The following UBE2E1 variants were observed in gnomAD, a reference collection of about 807,000 sequenced individuals.
The protein encoded by UBE2E1 is ubiquitin conjugating enzyme E2 E1.
A neutral mutation model predicts 21.4 loss-of-function variants in UBE2E1; 6 were observed. The ratio of observed to expected loss-of-function variants is 0.28; its 90% CI spans 0.15 to 0.55. The LOEUF is 0.55. UBE2E1 is among the 20% of genes least tolerant of loss of function. The pLI is 0.93. For missense variants in UBE2E1, 142 were observed against 236.5 expected (o/e 0.60, Z 2.62); for synonymous variants, 87 against 82.7 (o/e 1.05, Z -0.28).
At chr3:23,807,054 A>C (rs1055612322) in intron 1 of UBE2E1, 183 bp from the exon 2 acceptor site, 1 of 480,522 alleles carries the variant, frequency 2.1e-6, no homozygotes, top group African/African-American at 2.0e-5. Context: ...TTGGGGCCAA[A>C]AATAAACAAG....
intron 3 of UBE2E1, among the ~76,000 whole-genome samples, chr3:23,824,199 T>C (rs183303191): frequency 6.6e-6 from 1 of 152,298 alleles, no homozygotes; most frequent in Non-Finnish European, 1.5e-5. Context: ...AAACACATGA[T>C]TTTGGTAAAA....
At chr3:23,839,707 A>C (rs567783546) in intron 3 of UBE2E1, among the ~76,000 whole-genome samples, 1 of 151,606 alleles carries the variant, frequency 6.6e-6, no homozygotes, top group Non-Finnish European at 1.5e-5. Context: ...TTCCTGTTGG[A>C]TATAGGATTT....
intron 3 of UBE2E1, among the ~76,000 whole-genome samples, chr3:23,817,052 A>G (rs1699537281): frequency 1.3e-5 from 2 of 152,246 alleles, no homozygotes; most frequent in South Asian, 2.1e-4. Context: ...ATTAATCAGT[A>G]TTTTGAGAAA....
At chr3:23,844,365 C>G (rs1046398764) in intron 3 of UBE2E1, among the ~76,000 whole-genome samples, 3 of 152,100 alleles carry the variant, frequency 2.0e-5, no homozygotes, top group African/African-American at 7.2e-5. Context: ...TTACATTTTT[C>G]TAAGCACAAT....
intron 3 of UBE2E1, among the ~76,000 whole-genome samples, chr3:23,831,166 G>A (rs902199213): frequency 3.9e-5 from 6 of 152,204 alleles, no homozygotes; most frequent in Non-Finnish European, 7.3e-5. Flanking sequence ...ATATTATAGG[G>A]ATATTTGAGT....
rs367884534 is a variant in UBE2E1 at position 23,868,801 on chromosome 3, A to T, written c.204-18766A>T. Among the ~76,000 whole-genome samples the T allele has an allele frequency of 3.2e-4, 48 of 152,084 alleles. No homozygotes were observed. In the East Asian group the frequency reaches 5.6e-3, roughly 18 times the overall value. On this transcript the variant is annotated intron_variant, in intron 3 of 5. Transcript: ENST00000306627. ...ATCTCATCCTGCAAGTATAACCACT[A>T]TTAAGTTCGGGTATATTTATATCTT...
intron 3 of UBE2E1, among the ~76,000 whole-genome samples, chr3:23,835,459 C>G (rs909786356): frequency 6.7e-6 from 1 of 150,366 alleles, no homozygotes; most frequent in Non-Finnish European, 1.5e-5. Flanking sequence ...AGAACAAGAC[C>G]TGCCTCAAAA....
At chr3:23,834,425 A>G (rs545714612) in intron 3 of UBE2E1, among the ~76,000 whole-genome samples, 3 of 152,310 alleles carry the variant, frequency 2.0e-5, no homozygotes, top group South Asian at 4.1e-4. Context: ...AAATTCCCCC[A>G]TCTTTCTCAC....
At chr3:23,858,931 A>G (rs1272637284) in intron 3 of UBE2E1, among the ~76,000 whole-genome samples, 1 of 152,208 alleles carries the variant, frequency 6.6e-6, no homozygotes, top group Non-Finnish European at 1.5e-5. Flanking sequence ...GCTCGTCTTT[A>G]ACAATTTACC....
At chr3:23,880,551 A>G (rs6764154) in intron 3 of UBE2E1, among the ~76,000 whole-genome samples, 115,558 of 152,088 alleles carry the variant, frequency 0.76, 44,397 homozygotes, top group African/African-American at 0.82. Context: ...GTGACACAGC[A>G]AGACTGTGAC....
At chr3:23,856,054 CAG>C (rs1332172418) in intron 3 of UBE2E1, among the ~76,000 whole-genome samples, 1 of 151,898 alleles carries the variant, frequency 6.6e-6, no homozygotes, top group African/African-American at 2.4e-5. Context: ...TTTTTTGAGA[CAG>C]AGTCTCGCTC....
chr3:23,861,764 T>C (rs1191333078), intron 3 of UBE2E1, among the ~76,000 whole-genome samples: 1 of 152,216 alleles, frequency 6.6e-6, no homozygotes, highest in Non-Finnish European at 1.5e-5. Flanking sequence ...GGAGAAGAGT[T>C]GGGCCACCAA....
At chr3:23,858,123 G>A (rs924779929) in intron 3 of UBE2E1, among the ~76,000 whole-genome samples, 2 of 152,136 alleles carry the variant, frequency 1.3e-5, no homozygotes, top group South Asian at 2.1e-4. Context: ...CTTTCCCTGC[G>A]AAGGCTCTAT....
intron 3 of UBE2E1, among the ~76,000 whole-genome samples, chr3:23,843,126 T>G (rs1700129828): frequency 6.6e-6 from 1 of 151,966 alleles, no homozygotes; most frequent in South Asian, 2.1e-4. Context: ...TTTTTCAGAT[T>G]AAAATGGACT....
intron 3 of UBE2E1, among the ~76,000 whole-genome samples, chr3:23,851,207 G>C (rs1318588253): frequency 6.6e-6 from 1 of 152,132 alleles, no homozygotes; most frequent in African/African-American, 2.4e-5. Context: ...ACCTGTAAAT[G>C]TAAGAGTTTA....
chr3:23,818,569 T>G (rs1337670322), intron 3 of UBE2E1, among the ~76,000 whole-genome samples: 1 of 152,162 alleles, frequency 6.6e-6, no homozygotes, highest in Admixed American at 6.5e-5. Flanking sequence ...AATTACACCA[T>G]GTTTGCTCTG....
intron 3 of UBE2E1, among the ~76,000 whole-genome samples, chr3:23,880,640 G>A (rs1455271317): frequency 2.6e-5 from 4 of 152,198 alleles, no homozygotes; most frequent in South Asian, 4.1e-4. Context: ...AAATTGAAAT[G>A]CAGATTTGGT....
At chr3:23,847,488 ATTTTTTTTT>A (rs71057627) in intron 3 of UBE2E1, among the ~76,000 whole-genome samples, 1 of 96,130 alleles carries the variant, frequency 1.0e-5, no homozygotes, top group Non-Finnish European at 2.0e-5. Flanking sequence ...TGTACTTTAA[ATTTTTTTTT>A]TTTTTTTTTT....
In UBE2E1 at chr3:23,806,361, A is replaced by G. The variant is rs569662435; in HGVS notation, c.-34+273A>G. On this transcript the variant is annotated intron_variant, in intron 1 of 5. Transcript: ENST00000306627. This position sits in a 1 kb window ranked among gnomAD's most constrained non-coding sequence, Gnocchi z 6.5. ...TGGCTCGAACTGTCAGCGCTGCCCC[A>G]AGAGCCCCCCACTGGCCACCGAGGG... is the stretch of plus-strand genomic sequence containing the variant. Among the ~76,000 whole-genome samples the G allele has an allele frequency of 2.0e-5, 3 of 150,910 alleles. No homozygotes were observed. The South Asian group carries it at 6.2e-4, about 31-fold the overall frequency.
Sources: gnomAD v4.1 joint callset for allele counts (sites outside exome capture counted in the v4.1 genomes callset) on GRCh38, gnomAD v4.1.1 for gene constraint, Gnocchi (gnomAD v3.1) non-coding constraint, MANE v1.5 for transcripts, NCBI Gene and HGNC (gene_info 2026-07-23, HGNC 2026-07-21) for gene names.